The following SLC43A1 variants were observed in gnomAD, a reference collection of about 807,000 sequenced individuals.
The protein encoded by SLC43A1 is solute carrier family 43 member 1.
In SLC43A1, 31 loss-of-function variants were observed where a neutral mutation model predicts 59.5. The ratio of observed to expected loss-of-function variants is 0.52; its 90% CI spans 0.39 to 0.70. The LOEUF (loss-of-function observed/expected upper bound fraction) is 0.70, where lower values mean the gene tolerates loss of function less well. SLC43A1 is among the 30% of genes least tolerant of loss of function. The pLI, the probability that SLC43A1 is intolerant of heterozygous loss-of-function variation, is 0.00. For synonymous variants in SLC43A1, 259 were observed against 290.9 expected (o/e 0.89, Z 1.12); for missense variants, 598 against 717.8 (o/e 0.83, Z 1.91).
intron 14 of SLC43A1, among the ~76,000 whole-genome samples, chr11:57,486,739 G>C (rs1382425475): frequency 6.6e-6 from 1 of 151,324 alleles, no homozygotes. Context: ...AACCCGGGAG[G>C]CGGAGCTTGC....
intron 14 of SLC43A1, among the ~76,000 whole-genome samples, chr11:57,485,816 T>C (rs1943712627): frequency 6.6e-6 from 1 of 152,176 alleles, no homozygotes; most frequent in African/African-American, 2.4e-5. Context: ...GTGGCGAAGA[T>C]GTAAGTTAAA....
chr11:57,485,299 C>T, intron 14 of SLC43A1, 57 bp from the exon 15 acceptor site: 2 of 1,529,242 alleles, frequency 1.3e-6, no homozygotes, highest in Non-Finnish European at 1.8e-6. Flanking sequence ...CCCTTAGCCT[C>T]CCACAGGGAG....
intron 2 of SLC43A1, among the ~76,000 whole-genome samples, chr11:57,512,628 A>G (rs577142391): frequency 6.6e-6 from 1 of 151,596 alleles, no homozygotes; most frequent in Non-Finnish European, 1.5e-5. Flanking sequence ...ATAAACTCAT[A>G]GGGGACTTAG....
At chr11:57,489,043 G>T in intron 12 of SLC43A1, 54 bp from the exon 13 acceptor site, 1 of 1,570,090 alleles carries the variant, frequency 6.4e-7, no homozygotes, top group Middle Eastern at 1.7e-4. Context: ...GAGGCTGGAG[G>T]AAGGAGGGGT....
intron 8 of SLC43A1, among the ~76,000 whole-genome samples, chr11:57,492,102 C>T (rs1007207370): frequency 3.3e-5 from 5 of 152,022 alleles, no homozygotes; most frequent in African/African-American, 1.2e-4. Flanking sequence ...GGTGCCATGG[C>T]TCACGCCTGT....
chr11:57,515,023 G>A lies in SLC43A1; in HGVS notation c.-14+421C>T. ...GGAACGCGGGCGGCGCGGGGGCGGG[G>A]AGCGACAACTGGGATGAGACCGAGG... On this transcript the variant is annotated intron_variant, in intron 1 of 14. Coordinates refer to ENST00000278426, the MANE Select transcript of SLC43A1 (RefSeq NM_003627.6). The surrounding 1 kb of genome is among the most constrained non-coding windows in gnomAD (Gnocchi z 5.3). 1.0e-6 allele frequency: 1 copy of A among 984,978 alleles called. No homozygotes were observed. Among genetic ancestry groups the A allele is most frequent in the Non-Finnish European group, 1.2e-6 (1 of 829,732 alleles). 61.0% of individuals were successfully genotyped at this position (984,978 alleles called of 1,614,324 possible).
rs187984868 is a variant in SLC43A1 at position 57,514,601 on chromosome 11, G to T, written c.-13-477C>A. The T allele has an allele frequency of 1.4e-3, 222 of 161,842 alleles. 1 individual carries two copies. The highest frequency in any genetic ancestry group is 2.4e-3 in the Non-Finnish European group (182 of 74,484). The allele number at this position is 161,842 out of a possible 1,614,324, so 10.0% of individuals were successfully genotyped here. A position where few individuals can be genotyped will look rare whatever the true frequency, so the allele number is the denominator to read the frequency against. On this transcript the variant is annotated intron_variant, in intron 1 of 14. Transcript: ENST00000278426. The surrounding 1 kb of genome is among the most constrained non-coding windows in gnomAD (Gnocchi z 5.5). ...GGCTACCCTACGACCCCATCTTCCA[G>T]TTGCCCCTCCAAGACCTCTCCTTCC...
intron 7 of SLC43A1, among the ~76,000 whole-genome samples, chr11:57,495,008 C>T (rs563276679): frequency 6.6e-6 from 1 of 151,980 alleles, no homozygotes; most frequent in Admixed American, 6.6e-5. Flanking sequence ...ACCACCACAC[C>T]CAGCTAATTT....
chr11:57,510,635 C>T (rs1008712743), intron 2 of SLC43A1, among the ~76,000 whole-genome samples: 2 of 151,248 alleles, frequency 1.3e-5, no homozygotes, highest in Non-Finnish European at 2.9e-5. Context: ...CTTCACTTGG[C>T]TAGTCTTAAA....
At chr11:57,506,351 AT>A (rs1478274279) in intron 2 of SLC43A1, among the ~76,000 whole-genome samples, 1 of 152,150 alleles carries the variant, frequency 6.6e-6, no homozygotes, top group Non-Finnish European at 1.5e-5. Flanking sequence ...GTCTCAAAAA[AT>A]AATAGTAAGT....
At chr11:57,513,054 T>G (rs1944594072) in intron 2 of SLC43A1, among the ~76,000 whole-genome samples, 1 of 152,122 alleles carries the variant, frequency 6.6e-6, no homozygotes, top group African/African-American at 2.4e-5. Context: ...CTCACAGCAC[T>G]CCCACGGAAT....
intron 14 of SLC43A1, among the ~76,000 whole-genome samples, chr11:57,486,547 C>T (rs184528383): frequency 2.7e-4 from 41 of 149,238 alleles, no homozygotes; most frequent in African/African-American, 9.3e-4. Context: ...GGCATGTAAT[C>T]CCAGCACTTT....
At chr11:57,502,873 C>CAAA (rs35873904) in intron 2 of SLC43A1, among the ~76,000 whole-genome samples, 2 of 62,892 alleles carry the variant, frequency 3.2e-5, no homozygotes, top group African/African-American at 6.2e-5. Context: ...GGCCCTGTCT[C>CAAA]AAAAAAAAAA....
At chr11:57,486,643 C>CAAA (rs745863972) in intron 14 of SLC43A1, among the ~76,000 whole-genome samples, 5 of 134,304 alleles carry the variant, frequency 3.7e-5, no homozygotes, top group Admixed American at 2.3e-4. Context: ...ACTAAAAATC[C>CAAA]AAAAAAAAAA....
At chr11:57,501,097 C>T in intron 3 of SLC43A1, 54 bp from the exon 4 acceptor site, 1 of 1,610,328 alleles carries the variant, frequency 6.2e-7, no homozygotes, top group Non-Finnish European at 8.5e-7. Context: ...CCCCCCTCCC[C>T]TCCCCCTGCA....
intron 2 of SLC43A1, among the ~76,000 whole-genome samples, chr11:57,509,006 C>T (rs1944460246): frequency 6.6e-6 from 1 of 152,034 alleles, no homozygotes. Flanking sequence ...ATACCAGCTA[C>T]TCAGGAGTCT....
At chr11:57,498,504 G>A (rs1041864228) in intron 5 of SLC43A1, among the ~76,000 whole-genome samples, 8 of 152,106 alleles carry the variant, frequency 5.3e-5, no homozygotes, top group African/African-American at 1.9e-4. Context: ...CATTTGAGAT[G>A]AGACAATTGA....
chr11:57,503,075 A>G (rs950014692), intron 2 of SLC43A1, among the ~76,000 whole-genome samples: 1 of 152,030 alleles, frequency 6.6e-6, no homozygotes, highest in Non-Finnish European at 1.5e-5. Flanking sequence ...GTGTGTTGAC[A>G]TAAGGAAGAA....
chr11:57,496,169 G>A lies in SLC43A1; in HGVS notation c.559-5C>T. On this transcript the variant is annotated splice_polypyrimidine_tract_variant and splice_region_variant and intron_variant, in intron 6 of 14. Coordinates refer to ENST00000278426, the MANE Select transcript of SLC43A1 (RefSeq NM_003627.6). ...CACACCGGCATCGTAGATCAGCTGT[G>A]AGAGGAGGGGGCAGGCCCGTGGGGG... 3.1e-6 allele frequency: 5 copies of A among 1,613,942 alleles called. No individual in the cohort carries two copies. The highest frequency in any genetic ancestry group is 4.2e-6 in the Non-Finnish European group (5 of 1,179,930).
Sources: allele counts gnomAD v4.1 joint callset (sites outside exome capture counted in the v4.1 genomes callset), GRCh38; gene constraint gnomAD v4.1.1; non-coding constraint Gnocchi (gnomAD v3.1); transcripts MANE v1.5; gene names NCBI Gene and HGNC (gene_info 2026-07-23, HGNC 2026-07-21).